Variants in NFKBID observed in about 807,000 individuals in gnomAD.
NFKBID encodes NF-kappa-B inhibitor delta.
Under a neutral mutation model 53.4 loss-of-function variants are expected in NFKBID, and 26 were observed. That is an observed-to-expected ratio of 0.49 (90% CI 0.36 to 0.68). The LOEUF (loss-of-function observed/expected upper bound fraction) is 0.68. Ranked by LOEUF, NFKBID falls within the 30% of genes least tolerant of loss-of-function variation. The pLI is 0.00. For missense variants in NFKBID, 493 were observed against 614.1 expected (o/e 0.80, Z 2.08); for synonymous variants, 262 against 259.8 (o/e 1.01, Z -0.08).
chr19:35,888,692 G>A lies in NFKBID; in HGVS notation c.1315-80C>T. The A allele has an allele frequency of 2.8e-6, 3 of 1,056,654 alleles. No homozygotes were observed. The East Asian group carries it at 7.8e-5, about 27-fold the overall frequency. 65.5% of individuals were successfully genotyped at this position (1,056,654 alleles called of 1,614,324 possible). On this transcript the variant is annotated intron_variant, in intron 11 of 11. Coordinates refer to ENST00000641389, the Ensembl canonical transcript of NFKBID. ...GGAAGGCACGCCATGCAGAGGGAGG[G>A]GCTAGAGAAGAGAGGTTGAGTGGGT...
intron 9 of NFKBID, among the ~76,000 whole-genome samples, chr19:35,891,852 G>C (rs8104979): frequency 6.6e-6 from 1 of 151,482 alleles, no homozygotes. Context: ...GGGCAACAGA[G>C]TGAGACTCCG....
Position 35,896,998 on chromosome 19 carries a change from G to T in NFKBID, c.493C>A (p.Pro165Thr). The T allele has an allele frequency of 6.2e-7, 1 of 1,608,188 alleles. No individual in the cohort carries two copies. Among genetic ancestry groups the T allele is most frequent in the Non-Finnish European group, 8.5e-7 (1 of 1,178,328 alleles). Residue 165 changes from proline to threonine, a missense_variant, in exon 5 of 12, where the codon CCT (proline) becomes ACT (threonine). Around this residue, in one of 2 missense-constraint regions of NFKBID, gnomAD observed 226 missense variants for 229.5 expected, o/e 0.98. Coordinates refer to ENST00000641389, the Ensembl canonical transcript of NFKBID. This position sits in a 1 kb window ranked among gnomAD's most constrained non-coding sequence, Gnocchi z 5.7. Reference sequence around the variant, plus strand: ...CGGGCCACCTCCAGCGATGGTCCAGGGACCACAGCGGGGAACTGTGGGGGT... The same window carrying T: ...CGGGCCACCTCCAGCGATGGTCCAGTGACCACAGCGGGGAACTGTGGGGGT...
chr19:35,890,032 T>C, exon 11 of NFKBID: 1 of 1,605,180 alleles, frequency 6.2e-7, no homozygotes, highest in Non-Finnish European at 8.5e-7. Context: ...AGCCGCCATG[T>C]GGAGGGCTGT....
exon 4 of NFKBID, chr19:35,897,774 C>A (rs763431879): frequency 6.2e-7 from 1 of 1,608,106 alleles, no homozygotes; most frequent in African/African-American, 1.3e-5. Context: ...AGGCAGCATG[C>A]GTGTTGGGGT....
At chr19:35,897,436 G>T in intron 4 of NFKBID, 1 of 589,914 alleles carries the variant, frequency 1.7e-6, no homozygotes, top group Non-Finnish European at 3.0e-6. Flanking sequence ...TTTATTTTTG[G>T]TTTCACCATG....
intron 3 of NFKBID, 39 bp downstream of exon 3, chr19:35,898,433 G>A: frequency 7.3e-7 from 1 of 1,369,962 alleles, no homozygotes. Context: ...AGTCCCTTAG[G>A]GAAGGGGGAT....
intron 9 of NFKBID, among the ~76,000 whole-genome samples, chr19:35,894,356 T>C (rs975353544): frequency 6.6e-6 from 1 of 152,182 alleles, no homozygotes; most frequent in African/African-American, 2.4e-5. Context: ...AATTAAAAGC[T>C]AGGTTCTAAA....
Sources: gnomAD v4.1 joint callset for allele counts (sites outside exome capture counted in the v4.1 genomes callset) on GRCh38, gnomAD v4.1.1 for gene constraint, gnomAD v4.1.1 regional missense constraint, Gnocchi (gnomAD v3.1) non-coding constraint, MANE v1.5 for transcripts, NCBI Gene and HGNC (gene_info 2026-07-23, HGNC 2026-07-21) for gene names.